NDUFA9: variants seen among roughly 807,000 people sequenced by gnomAD.
NDUFA9 encodes NADH dehydrogenase [ubiquinone] 1 alpha subcomplex subunit 9, mitochondrial.
In NDUFA9, 23 loss-of-function variants were observed where a neutral mutation model predicts 45.9. That is an observed-to-expected ratio of 0.50 (90% CI 0.36 to 0.71). The LOEUF is 0.71. Ranked by LOEUF, NDUFA9 falls within the 30% of genes least tolerant of loss-of-function variation. NDUFA9 has a pLI of 0.00. For synonymous variants in NDUFA9, 176 were observed against 170.5 expected, an observed-to-expected ratio of 1.03 and a Z score of -0.25; for missense variants, 466 against 488.2, an observed-to-expected ratio of 0.95 and a Z score of 0.43.
At chr12:4,658,921 T>A in intron 4 of NDUFA9, 115 bp from the exon 5 acceptor site, 1 of 1,129,794 alleles carries the variant, frequency 8.9e-7, no homozygotes, top group Non-Finnish European at 1.3e-6. Flanking sequence ...CATTGCTGTT[T>A]AAAAGTTTAA....
At chr12:4,683,779 C>T (rs1352508025) in intron 9 of NDUFA9, among the ~76,000 whole-genome samples, 1 of 152,142 alleles carries the variant, frequency 6.6e-6, no homozygotes, top group Non-Finnish European at 1.5e-5. Context: ...GGAGTGTTTT[C>T]AGGAGAGAAT....
At chr12:4,676,197 G>A (rs60894959) in intron 8 of NDUFA9, among the ~76,000 whole-genome samples, 1,642 of 152,202 alleles carry the variant, frequency 0.011, 22 homozygotes, top group African/African-American at 0.037. Context: ...CTGATTGGGC[G>A]AAAACTGGAA....
At position 4,655,165 on chromosome 12, in the gene NDUFA9, G is replaced by C. The variant is rs1483211950; in HGVS notation, c.318+243G>C. ...GTAAATACTTCTGGCTTTGCAGGTC[G>C]TAGAGTCTTTGTCATAATTACTCAG... On this transcript the variant is annotated intron_variant, in intron 3 of 10. Coordinates refer to ENST00000266544, the MANE Select transcript of NDUFA9 (RefSeq NM_005002.5). 1.2e-5 allele frequency: 5 copies of C among 417,998 alleles called. No individual in the cohort carries two copies. In the East Asian group the frequency reaches 2.1e-4, roughly 17 times the overall value. 25.9% of individuals were successfully genotyped at this position (417,998 alleles called of 1,614,324 possible).
At chr12:4,670,844 G>T (rs1369434447) in intron 8 of NDUFA9, among the ~76,000 whole-genome samples, 1 of 152,202 alleles carries the variant, frequency 6.6e-6, no homozygotes, top group Admixed American at 6.5e-5. Flanking sequence ...ATTAGTTCCA[G>T]TGAAGAGGTA....
At chr12:4,668,583 A>C in intron 7 of NDUFA9, 59 bp downstream of exon 7, 1 of 1,448,730 alleles carries the variant, frequency 6.9e-7, no homozygotes, top group Non-Finnish European at 9.7e-7. Flanking sequence ...GATTTGAGTG[A>C]TCAAGTTTCT....
chr12:4,686,811 T>G (rs978149879), intron 10 of NDUFA9, 127 bp from the exon 11 acceptor site: 1 of 886,974 alleles, frequency 1.1e-6, no homozygotes, highest in Non-Finnish European at 1.7e-6. Context: ...TTGCCACATA[T>G]TCTTTGAAAG....
chr12:4,649,176 G>A lies in NDUFA9; in HGVS notation c.49+1G>A. On this transcript the variant is annotated splice_donor_variant, in intron 1 of 10. Transcript: ENST00000266544. LOFTEE classifies it high-confidence loss of function. ...GTTGTCCGGGTCCTGTCAATGTCACGTAAGTGTTACCGGGAACGGCGGCCC... is the reference window on the plus strand; with the variant it reads ...GTTGTCCGGGTCCTGTCAATGTCACATAAGTGTTACCGGGAACGGCGGCCC... 1 of 1,603,712 alleles carries A rather than the reference G, an allele frequency of 6.2e-7. No individual in the cohort carries two copies. The highest frequency in any genetic ancestry group is 8.5e-7 in the Non-Finnish European group (1 of 1,175,158).
intron 8 of NDUFA9, among the ~76,000 whole-genome samples, chr12:4,671,950 C>T (rs182137482): frequency 1.2e-4 from 19 of 152,258 alleles, no homozygotes; most frequent in Admixed American, 1.2e-3. Flanking sequence ...GGATTGGTGG[C>T]AAGATGGCTG....
rs539619480 is a variant in NDUFA9, at chr12:4,653,893, C to CT, written c.50-389dup. ...TGTTCCTCATGGGATTCTGTCCTTT[C>CT]TTTTTTTTTTCCTCTTTTAAGACCT... On this transcript the variant is annotated intron_variant, in intron 1 of 10. Transcript: ENST00000266544. 2.0e-4 allele frequency among the ~76,000 whole-genome samples: 30 copies of CT among 149,396 alleles called. 1 individual carries two copies. In the South Asian group the frequency reaches 3.6e-3, roughly 18 times the overall value.
intron 1 of NDUFA9, 83 bp downstream of exon 1, chr12:4,649,258 C>T (rs1480038361): frequency 1.4e-6 from 2 of 1,481,236 alleles, no homozygotes; most frequent in Non-Finnish European, 9.2e-7. Context: ...CGTGCTGCAG[C>T]GGTCACGCCA....
Position 4,657,758 on chromosome 12 carries a change from C to A in NDUFA9, c.329C>A (p.Ala110Glu). ...LGQLLFLEWD[A>E]RDKDSIRRVV... ...TTTCTGCTATTATAGGAATGGGACG[C>A]GAGAGATAAAGATTCTATCCGACGA... Residue 110 changes from alanine to glutamate, a missense_variant, in exon 4 of 11, where the codon GCG becomes GAG. Ala to Glu is a moderately radical substitution (Grantham distance 107). Coordinates refer to ENST00000266544, the MANE Select transcript of NDUFA9 (RefSeq NM_005002.5). 6.2e-7 allele frequency: 1 copy of A among 1,612,466 alleles called. No individual in the cohort carries two copies. Among genetic ancestry groups the A allele is most frequent in the Non-Finnish European group, 8.5e-7 (1 of 1,178,882 alleles).
chr12:4,673,280 C>T (rs1945898775), intron 8 of NDUFA9, among the ~76,000 whole-genome samples: 1 of 152,200 alleles, frequency 6.6e-6, no homozygotes, highest in East Asian at 1.9e-4. Flanking sequence ...GGCAGAAAGG[C>T]TGAAAATTCC....
chr12:4,672,307 G>C (rs930119245), intron 8 of NDUFA9, among the ~76,000 whole-genome samples: 1 of 152,178 alleles, frequency 6.6e-6, no homozygotes, highest in South Asian at 2.1e-4. Flanking sequence ...CTGGGCAGCC[G>C]TTTGGGCAGA....
Position 4,688,989 on chromosome 12 carries a change from G to A in NDUFA9, c.*1881G>A, listed in dbSNP as rs1436260332. On this transcript the variant is annotated 3_prime_UTR_variant, in exon 11 of 11. Coordinates refer to ENST00000266544, the MANE Select transcript of NDUFA9 (RefSeq NM_005002.5). ...TTTGATTCTTAAAAAAAAACTTATTGATACATAATAGATGTAAATATTGTC... is the reference window on the plus strand; with the variant it reads ...TTTGATTCTTAAAAAAAAACTTATTAATACATAATAGATGTAAATATTGTC... 1 of 151,982 alleles carries A rather than the reference G, an allele frequency of 6.6e-6. No homozygotes were observed. The highest frequency in any genetic ancestry group is 1.5e-5 in the Non-Finnish European group (1 of 67,988). The allele number at this position is 151,982 out of a possible 1,614,324, so 9.4% of individuals were successfully genotyped here. A position where few individuals can be genotyped will look rare whatever the true frequency, so the allele number is the denominator to read the frequency against.
Position 4,694,161 on chromosome 12 carries a change from C to T in NDUFA9, c.*7053C>T, listed in dbSNP as rs993969847. ...GAGCAAAATAATTCTTGTCTATAGACGTGTACATTGTGTCTTAGCGTAGAT... is the reference window on the plus strand; with the variant it reads ...GAGCAAAATAATTCTTGTCTATAGATGTGTACATTGTGTCTTAGCGTAGAT... On this transcript the variant is annotated 3_prime_UTR_variant, in exon 11 of 11. Transcript: ENST00000266544. The T allele has an allele frequency of 1.3e-5, 2 of 152,214 alleles. No individual in the cohort carries two copies. Among genetic ancestry groups the T allele is most frequent in the Admixed American group, 6.5e-5 (1 of 15,284 alleles). 9.4% of individuals were successfully genotyped at this position (152,214 alleles called of 1,614,324 possible).
At chr12:4,660,626 CA>C (rs932148056) in intron 5 of NDUFA9, among the ~76,000 whole-genome samples, 1 of 151,952 alleles carries the variant, frequency 6.6e-6, no homozygotes, top group African/African-American at 2.4e-5. Flanking sequence ...TGCAGAAACC[CA>C]AACCAATCAA....
intron 8 of NDUFA9, among the ~76,000 whole-genome samples, chr12:4,673,817 A>T (rs1945902605): frequency 6.6e-6 from 1 of 152,136 alleles, no homozygotes. Flanking sequence ...AATACAGAGA[A>T]CACCACAAAG....
In NDUFA9 at chr12:4,668,487, G is replaced by A; in HGVS notation, c.686G>A (p.Gly229Asp). ...SMHRFGPIPL[G>D]SLGWKTVKQP... ...CATCGGTTTGGTCCTATACCCCTTG[G>A]TTCCTTGGGCTGGAAGACAGTTAAA... Residue 229 changes from glycine to aspartate, a missense_variant, in exon 7 of 11, where the codon GGT becomes GAT. Coordinates refer to ENST00000266544, the MANE Select transcript of NDUFA9 (RefSeq NM_005002.5). The A allele has an allele frequency of 4.3e-6, 7 of 1,613,752 alleles. No homozygotes were observed. The highest frequency in any genetic ancestry group is 5.1e-6 in the Non-Finnish European group (6 of 1,179,732).
rs757908035 is a variant in NDUFA9, at chr12:4,691,075, AAT to A, written c.*3970_*3971del. ...TGAGTTCCATACAGATTTGGCTTCG[AAT>A]ATGAGTTCCACTACTTCTTAGTTGT... is the stretch of plus-strand genomic sequence containing the variant. On this transcript the variant is annotated 3_prime_UTR_variant, in exon 11 of 11. Transcript: ENST00000266544. 6 of 152,218 alleles carry A rather than the reference AAT, an allele frequency of 3.9e-5. No homozygotes were observed. Among genetic ancestry groups the A allele is most frequent in the East Asian group, 3.8e-4 (2 of 5,196 alleles). 9.4% of individuals were successfully genotyped at this position (152,218 alleles called of 1,614,324 possible).
Sources: allele counts gnomAD v4.1 joint callset (sites outside exome capture counted in the v4.1 genomes callset), GRCh38; gene constraint gnomAD v4.1.1; transcripts MANE v1.5; gene names NCBI Gene and HGNC (gene_info 2026-07-23, HGNC 2026-07-21).